CNTNAP5: variants seen among roughly 807,000 people sequenced by gnomAD.
CNTNAP5 encodes contactin associated protein family member 5, also known as contactin-associated protein-like 5.
A neutral mutation model predicts 150.2 loss-of-function variants in CNTNAP5; 72 were observed. The observed-to-expected ratio is 0.48, with a 90% CI of 0.40 to 0.58. The LOEUF is 0.58. Ranked by LOEUF, CNTNAP5 falls within the 20% of genes least tolerant of loss-of-function variation. The pLI is 0.00. For synonymous variants in CNTNAP5, 672 were observed against 619.8 expected (o/e 1.08, Z -1.25); for missense variants, 1,636 against 1,626.2 (o/e 1.01, Z -0.10).
chr2:124,613,051 CAAAT>C (rs970885977), intron 12 of CNTNAP5, among the ~76,000 whole-genome samples: 3 of 151,836 alleles, frequency 2.0e-5, no homozygotes, highest in Non-Finnish European at 4.4e-5. Flanking sequence ...GACTCTGTCT[CAAAT>C]AAATAAATAA....
intron 1 of CNTNAP5, among the ~76,000 whole-genome samples, chr2:124,111,351 T>C (rs906483270): frequency 6.6e-6 from 1 of 152,172 alleles, no homozygotes; most frequent in African/African-American, 2.4e-5. Flanking sequence ...GCCACTGTGA[T>C]TGCAATTAAA....
rs1178849002 is a variant in CNTNAP5 at position 124,915,023 on chromosome 2, T to C, written c.*735T>C. 3 of 154,396 alleles carry C rather than the reference T, an allele frequency of 1.9e-5. No individual in the cohort carries two copies. Among genetic ancestry groups the C allele is most frequent in the Non-Finnish European group, 4.4e-5 (3 of 67,996 alleles). The allele number at this position is 154,396 out of a possible 1,614,324, so 9.6% of individuals were successfully genotyped here. A position where few individuals can be genotyped will look rare whatever the true frequency, so the allele number is the denominator to read the frequency against. ...ATGCATGGAAATAGCAGCTTGAAAC[T>C]AGGAGGTAACAAGAAAGCTTCTAGG... is the stretch of plus-strand genomic sequence containing the variant. On this transcript the variant is annotated 3_prime_UTR_variant, in exon 24 of 24. Coordinates refer to ENST00000682447, the MANE Select transcript of CNTNAP5 (RefSeq NM_001367498.1).
intron 14 of CNTNAP5, among the ~76,000 whole-genome samples, chr2:124,747,609 T>A (rs1159355221): frequency 3.2e-5 from 4 of 126,722 alleles, no homozygotes; most frequent in African/African-American, 1.2e-4. Context: ...CAGCTGCTGC[T>A]TCTTCTTTTT....
chr2:124,798,112 T>C lies in CNTNAP5; in HGVS notation c.3009T>C (p.Phe1003=), dbSNP rs758293417. 3.7e-6 allele frequency: 6 copies of C among 1,611,058 alleles called. No homozygotes were observed. The highest frequency in any genetic ancestry group is 1.7e-4 in the Middle Eastern group (1 of 6,058). Residue 1003 remains phenylalanine, a synonymous_variant, in exon 19 of 24, where the codon TTT becomes TTC. Coordinates refer to ENST00000682447, the MANE Select transcript of CNTNAP5 (RefSeq NM_001367498.1). ...ATTTTGCAGAGGTTTCTGCTGTTTT[T>C]GAGGCTGGCACGTCGGTTACTTACA... ...PFCKKEVSAV[F]EAGTSVTYMF... is the part of the protein sequence containing the mutation.
intron 8 of CNTNAP5, among the ~76,000 whole-genome samples, chr2:124,510,065 G>A (rs1025900909): frequency 3.0e-4 from 46 of 151,718 alleles, no homozygotes; most frequent in Non-Finnish European, 8.8e-5. Context: ...GTTGAGTGTG[G>A]TGGCGCATGC....
At chr2:124,583,563 T>C (rs996959254) in intron 11 of CNTNAP5, among the ~76,000 whole-genome samples, 1 of 152,230 alleles carries the variant, frequency 6.6e-6, no homozygotes, top group Non-Finnish European at 1.5e-5. Flanking sequence ...TTAATAGCTT[T>C]ATAATGTGTC....
intron 19 of CNTNAP5, among the ~76,000 whole-genome samples, chr2:124,858,694 C>T (rs891570440): frequency 2.0e-5 from 3 of 152,060 alleles, no homozygotes; most frequent in African/African-American, 7.2e-5. Flanking sequence ...AGTCAAAAAG[C>T]ATACAATGGA....
intron 11 of CNTNAP5, among the ~76,000 whole-genome samples, chr2:124,586,614 G>A (rs959416148): frequency 1.1e-4 from 16 of 152,146 alleles, no homozygotes; most frequent in African/African-American, 3.9e-4. Context: ...GTTAGATGAT[G>A]TGATCAAGTC....
chr2:124,516,695 G>T (rs1310404686), intron 8 of CNTNAP5, among the ~76,000 whole-genome samples: 1 of 152,168 alleles, frequency 6.6e-6, no homozygotes, highest in Non-Finnish European at 1.5e-5. Flanking sequence ...ACACTTAAGG[G>T]CCCTGAACAG....
At chr2:124,215,712 CAA>C (rs397985759) in intron 1 of CNTNAP5, among the ~76,000 whole-genome samples, 168 of 82,052 alleles carry the variant, frequency 2.0e-3, no homozygotes, top group South Asian at 0.018. Context: ...AGAAGAAAGG[CAA>C]AAAAAAAAAA....
intron 10 of CNTNAP5, among the ~76,000 whole-genome samples, chr2:124,559,010 C>G (rs1227075770): frequency 6.6e-6 from 1 of 152,188 alleles, no homozygotes; most frequent in Non-Finnish European, 1.5e-5. Flanking sequence ...TGTGCATTTG[C>G]CTTTAAAAAG....
chr2:124,547,578 G>A (rs1695542201), intron 10 of CNTNAP5, among the ~76,000 whole-genome samples: 1 of 152,136 alleles, frequency 6.6e-6, no homozygotes, highest in African/African-American at 2.4e-5. Flanking sequence ...CAGTATCTGG[G>A]GTGGCTGCTC....
intron 3 of CNTNAP5, among the ~76,000 whole-genome samples, chr2:124,353,750 T>A (rs908934633): frequency 3.9e-5 from 6 of 152,132 alleles, no homozygotes; most frequent in Non-Finnish European, 7.3e-5. Flanking sequence ...GAATTAACAG[T>A]CTACAACAGT....
At chr2:124,190,251 C>G (rs1386688387) in intron 1 of CNTNAP5, among the ~76,000 whole-genome samples, 1 of 152,126 alleles carries the variant, frequency 6.6e-6, no homozygotes, top group Non-Finnish European at 1.5e-5. Flanking sequence ...ATTAGGCTAA[C>G]AATTGGTAGC....
chr2:124,046,474 G>C (rs1573715455), intron 1 of CNTNAP5, among the ~76,000 whole-genome samples: 1 of 146,088 alleles, frequency 6.8e-6, no homozygotes, highest in Admixed American at 6.9e-5. Context: ...TTAATATCTA[G>C]AATTTGCAAG....
rs549146667 is a variant in CNTNAP5 at position 124,099,865 on chromosome 2, A to C, written c.82+74133A>C. 5.3e-4 allele frequency among the ~76,000 whole-genome samples: 81 copies of C among 152,148 alleles called. 2 individuals carry two copies. In the South Asian group the frequency reaches 0.011, roughly 21 times the overall value. ...AAACTCTATCACAAGAACAGGACCA[A>C]ATGGTTGGTGCTAAGTCATTAATGA... On this transcript the variant is annotated intron_variant, in intron 1 of 23. Coordinates refer to ENST00000682447, the MANE Select transcript of CNTNAP5 (RefSeq NM_001367498.1).
intron 3 of CNTNAP5, among the ~76,000 whole-genome samples, chr2:124,393,264 C>T (rs914573907): frequency 6.6e-6 from 1 of 152,116 alleles, no homozygotes; most frequent in African/African-American, 2.4e-5. Flanking sequence ...CCCACCGTTT[C>T]CCATGACTTC....
At chr2:124,687,145 G>A (rs1330937991) in intron 13 of CNTNAP5, among the ~76,000 whole-genome samples, 1 of 152,080 alleles carries the variant, frequency 6.6e-6, no homozygotes, top group East Asian at 1.9e-4. Context: ...GCAACGGAGA[G>A]AAGGGCCATA....
intron 4 of CNTNAP5, among the ~76,000 whole-genome samples, chr2:124,428,240 T>C (rs932657361): frequency 6.6e-5 from 10 of 152,106 alleles, no homozygotes; most frequent in Non-Finnish European, 1.3e-4. Flanking sequence ...TGGAGAAACA[T>C]TGACCCTGCC....
Sources: gnomAD v4.1 joint callset for allele counts (sites outside exome capture counted in the v4.1 genomes callset) on GRCh38, gnomAD v4.1.1 for gene constraint, MANE v1.5 for transcripts, NCBI Gene and HGNC (gene_info 2026-07-23, HGNC 2026-07-21) for gene names.